The following MRC1 variants were observed in gnomAD, a reference collection of about 807,000 sequenced individuals.
MRC1 encodes mannose receptor C-type 1, also known as macrophage mannose receptor 1.
Under a neutral mutation model 102.9 loss-of-function variants are expected in MRC1, and 62 were observed. The observed-to-expected ratio is 0.60, with a 90% CI of 0.49 to 0.74. The LOEUF is 0.74. Ranked by LOEUF, MRC1 falls within the 30% of genes least tolerant of loss-of-function variation. The pLI, the probability that MRC1 is intolerant of heterozygous loss-of-function variation, is 0.00. For synonymous variants in MRC1, 457 were observed against 298.4 expected (o/e 1.53, Z -5.48); for missense variants, 1,237 against 862.8 (o/e 1.43, Z -5.43).
chr10:17,823,347 G>C lies in MRC1; in HGVS notation c.335G>C (p.Gly112Ala), dbSNP rs1838425146. ...AATGACACACTTTTGGGGATCAAAGGAGAAGATTTATTTTTTAACTACGGC... is the reference window on the plus strand; with the variant it reads ...AATGACACACTTTTGGGGATCAAAGCAGAAGATTTATTTTTTAACTACGGC... Reference protein sequence around the residue: ...CKNDTLLGIKGEDLFFNYGNR... With the variant: ...CKNDTLLGIKAEDLFFNYGNR... The change falls in exon 2 of 30, where the codon GGA becomes GCA. Residue 112 changes from glycine to alanine, a missense_variant. Coordinates refer to ENST00000569591, the MANE Select transcript of MRC1 (RefSeq NM_002438.4). 2.6e-6 allele frequency: 2 copies of C among 780,834 alleles called. No individual in the cohort carries two copies. The highest frequency in any genetic ancestry group is 4.8e-6 in the Non-Finnish European group (2 of 417,954). 48.4% of individuals were successfully genotyped at this position (780,834 alleles called of 1,614,324 possible).
chr10:17,832,031 G>T (rs1838581842), intron 3 of MRC1, among the ~76,000 whole-genome samples: 1 of 151,590 alleles, frequency 6.6e-6, no homozygotes. Flanking sequence ...CTAGCAATGA[G>T]AAAACGAGAC....
In MRC1 at chr10:17,833,820, T is replaced by C. The variant is rs890900590; in HGVS notation, c.783T>C (p.His261=). 2.9e-5 allele frequency: 23 copies of C among 780,926 alleles called. No homozygotes were observed. Among genetic ancestry groups the C allele is most frequent in the Non-Finnish European group, 5.3e-5 (22 of 418,134 alleles). 48.4% of individuals were successfully genotyped at this position (780,926 alleles called of 1,614,324 possible). Residue 261 remains histidine (H), a synonymous_variant, in exon 4 of 30, where the codon CAT becomes CAC. Coordinates refer to ENST00000569591, the MANE Select transcript of MRC1 (RefSeq NM_002438.4). ...NAELLSITEI[H]EQTYLTGLTS... ...AGCTCCTGAGCATCACAGAGATTCA[T>C]GAGCAAACATACCTGACAGGTAAGG...
chr10:17,855,766 A>G lies in MRC1; in HGVS notation c.1408-476A>G, dbSNP rs972235269. The stretch of plus-strand genomic sequence containing the variant: ...GTAGCTAGAGTCAAAATTACTGTTT[A>G]CATATGAACATGTCAATTACCTTTC... On this transcript the variant is annotated intron_variant, in intron 8 of 29. Coordinates refer to ENST00000569591, the MANE Select transcript of MRC1 (RefSeq NM_002438.4). 5.0e-4 allele frequency among the ~76,000 whole-genome samples: 76 copies of G among 152,316 alleles called. 1 individual carries two copies. In the South Asian group the frequency reaches 0.015, roughly 31 times the overall value.
intron 10 of MRC1, among the ~76,000 whole-genome samples, chr10:17,863,285 G>A (rs1833211604): frequency 6.6e-6 from 1 of 152,090 alleles, no homozygotes; most frequent in Non-Finnish European, 1.5e-5. Context: ...AGGGCTAGAG[G>A]GAGATGGTTT....
At chr10:17,902,324 C>T (rs1292768357) in intron 26 of MRC1, among the ~76,000 whole-genome samples, 6 of 152,072 alleles carry the variant, frequency 3.9e-5, no homozygotes, top group African/African-American at 9.7e-5. Context: ...TTAGAGAATT[C>T]GGGTAGAAAA....
At chr10:17,816,880 C>A (rs897260264) in intron 1 of MRC1, among the ~76,000 whole-genome samples, 2 of 152,092 alleles carry the variant, frequency 1.3e-5, no homozygotes, top group Admixed American at 6.6e-5. Flanking sequence ...CCTTTAATAA[C>A]CAAATTTTCT....
At chr10:17,899,670 A>G (rs1423234935) in intron 24 of MRC1, among the ~76,000 whole-genome samples, 3 of 152,188 alleles carry the variant, frequency 2.0e-5, no homozygotes, top group African/African-American at 4.8e-5. Context: ...TTAATATTAT[A>G]TATCATCTAT....
intron 23 of MRC1, 110 bp from the exon 24 acceptor site, chr10:17,897,924 A>G: frequency 1.3e-6 from 1 of 766,444 alleles, no homozygotes; most frequent in Non-Finnish European, 2.4e-6. Flanking sequence ...GAATGTTTGG[A>G]GTTATGCTAC....
chr10:17,906,850 G>T, intron 26 of MRC1, 36 bp from the exon 27 acceptor site: 2 of 780,530 alleles, frequency 2.6e-6, no homozygotes, highest in Non-Finnish European at 4.8e-6. Context: ...CTACTTAAAT[G>T]TGCAGCTATC....
intron 19 of MRC1, 105 bp downstream of exon 19, chr10:17,879,926 G>A: frequency 1.3e-6 from 1 of 773,556 alleles, no homozygotes; most frequent in Admixed American, 1.7e-5. Context: ...GACAAGATAA[G>A]AAGAGAGAAT....
chr10:17,812,986 T>A (rs1054886173), intron 1 of MRC1, among the ~76,000 whole-genome samples: 1 of 151,734 alleles, frequency 6.6e-6, no homozygotes, highest in African/African-American at 2.4e-5. Flanking sequence ...GCCTAGAACA[T>A]CTGCAAAAAA....
intron 1 of MRC1, among the ~76,000 whole-genome samples, chr10:17,816,961 A>T (rs1838321730): frequency 6.6e-6 from 1 of 152,118 alleles, no homozygotes; most frequent in South Asian, 2.1e-4. Flanking sequence ...CTTAAAAAAA[A>T]TCCAGGCCAG....
In MRC1 at chr10:17,849,654, A is replaced by G; in HGVS notation, c.1139A>G (p.Glu380Gly). ...AGHCYKIHRD[E>G]KKIQRDALTT... ...CACTGTTACAAGATTCACAGAGATG[A>G]GAAAAAAATCCAGAGGGATGCTCTG... The change falls in exon 7 of 30, where the codon GAG (glutamate) becomes GGG (glycine). Residue 380 changes from glutamate (E) to glycine (G), a missense_variant. Glu to Gly is a moderately conservative substitution (Grantham distance 98). Transcript: ENST00000569591. The G allele has an allele frequency of 1.3e-6, 1 of 780,998 alleles. No individual in the cohort carries two copies. The highest frequency in any genetic ancestry group is 2.4e-6 in the Non-Finnish European group (1 of 418,104). 48.4% of individuals were successfully genotyped at this position (780,998 alleles called of 1,614,324 possible).
At chr10:17,864,491 G>T (rs1833232444) in intron 11 of MRC1, among the ~76,000 whole-genome samples, 1 of 151,898 alleles carries the variant, frequency 6.6e-6, no homozygotes, top group Non-Finnish European at 1.5e-5. Context: ...ATTTTATTTT[G>T]TCATCATAAA....
rs1833459049 is a variant in MRC1, at chr10:17,877,886, C to A, written c.2551-14C>A. On this transcript the variant is annotated splice_polypyrimidine_tract_variant and intron_variant, in intron 17 of 29. Coordinates refer to ENST00000569591, the MANE Select transcript of MRC1 (RefSeq NM_002438.4). ...GATTCTAAATTAAACTATACGTAAA[C>A]TTCCATGTTTCAGGTAAACAGAAAT... 2 of 871,966 alleles carry A rather than the reference C, an allele frequency of 2.3e-6. No individual in the cohort carries two copies. Among genetic ancestry groups the A allele is most frequent in the Non-Finnish European group, 4.0e-6 (2 of 501,198 alleles). The allele number at this position is 871,966 out of a possible 1,614,324, so 54.0% of individuals were successfully genotyped here.
intron 23 of MRC1, among the ~76,000 whole-genome samples, chr10:17,895,440 G>T (rs1320588301): frequency 6.6e-6 from 1 of 151,506 alleles, no homozygotes; most frequent in South Asian, 2.1e-4. Context: ...TGGGATATTT[G>T]CTTACCTGTA....
intron 1 of MRC1, among the ~76,000 whole-genome samples, chr10:17,818,056 C>A (rs1321417855): frequency 2.0e-5 from 3 of 152,070 alleles, no homozygotes; most frequent in African/African-American, 7.2e-5. Flanking sequence ...TTCCTAATGG[C>A]AAAAGATAAA....
chr10:17,883,265 C>T (rs1439163835), intron 21 of MRC1, among the ~76,000 whole-genome samples: 1 of 152,094 alleles, frequency 6.6e-6, no homozygotes, highest in Non-Finnish European at 1.5e-5. Context: ...GTAGCTGGGA[C>T]TACAGGTGTG....
At chr10:17,907,205 T>A (rs1230469872) in intron 27 of MRC1, among the ~76,000 whole-genome samples, 1 of 152,230 alleles carries the variant, frequency 6.6e-6, no homozygotes, top group Non-Finnish European at 1.5e-5. Context: ...AAAAATATCT[T>A]TTGTAGCTAA....
Sources: gnomAD v4.1 joint callset for allele counts (sites outside exome capture counted in the v4.1 genomes callset) on GRCh38, gnomAD v4.1.1 for gene constraint, MANE v1.5 for transcripts, NCBI Gene and HGNC (gene_info 2026-07-23, HGNC 2026-07-21) for gene names.